Variants in TCAF1 observed in about 807,000 individuals in gnomAD.
TCAF1 encodes TRPM8 channel-associated factor 1.
A neutral mutation model predicts 27.3 loss-of-function variants in TCAF1; 4 were observed. That is an observed-to-expected ratio of 0.15 (90% CI 0.07 to 0.34). The LOEUF (loss-of-function observed/expected upper bound fraction) is 0.34. Ranked by LOEUF, TCAF1 falls within the 10% of genes least tolerant of loss-of-function variation. TCAF1 has a pLI of 1.00. For synonymous variants in TCAF1, 105 were observed against 167.1 expected, an observed-to-expected ratio of 0.63 and a Z score of 2.87; for missense variants, 257 against 425.8, an observed-to-expected ratio of 0.60 and a Z score of 3.49.
At chr7:143,888,180 A>G (rs1813502294) in intron 1 of TCAF1, among the ~76,000 whole-genome samples, 2 of 152,228 alleles carry the variant, frequency 1.3e-5, no homozygotes, top group African/African-American at 4.8e-5. Flanking sequence ...TGATGCAAAC[A>G]ACATATATAC....
chr7:143,877,785 C>A (rs1196594979), intron 1 of TCAF1, among the ~76,000 whole-genome samples: 2 of 152,214 alleles, frequency 1.3e-5, no homozygotes, highest in Non-Finnish European at 2.9e-5. Flanking sequence ...TGAGGCTGAA[C>A]CACCTCTGTC....
At chr7:143,883,395 G>A (rs935314000) in intron 1 of TCAF1, among the ~76,000 whole-genome samples, 2 of 151,536 alleles carry the variant, frequency 1.3e-5, no homozygotes, top group South Asian at 2.1e-4. Context: ...TTGCAGTTAC[G>A]TGTCTTACTT....
chr7:143,858,517 TA>T (rs1202917372), intron 7 of TCAF1, among the ~76,000 whole-genome samples: 7 of 148,778 alleles, frequency 4.7e-5, no homozygotes, highest in Admixed American at 1.3e-4. Flanking sequence ...TGAATATATG[TA>T]TAGTACTTTA....
Position 143,852,928 on chromosome 7 carries a change from T to TA in TCAF1, c.*1204dup, listed in dbSNP as rs1811393867. 1 of 146,446 alleles carries TA rather than the reference T, an allele frequency of 6.8e-6. No homozygotes were observed. The highest frequency in any genetic ancestry group is 1.5e-5 in the Non-Finnish European group (1 of 67,082). 9.1% of individuals were successfully genotyped at this position (146,446 alleles called of 1,614,324 possible). On this transcript the variant is annotated 3_prime_UTR_variant, in exon 9 of 9. Coordinates refer to ENST00000479870, the MANE Select transcript of TCAF1 (RefSeq NM_014719.3). ...CTCCTAACATTACATATTGATTGTC[T>TA]ATGTCTTTTTTCTTTCTTTATATTT...
chr7:143,892,591 G>A (rs763908627), intron 1 of TCAF1, among the ~76,000 whole-genome samples: 9 of 149,876 alleles, frequency 6.0e-5, no homozygotes, highest in Non-Finnish European at 8.9e-5. Context: ...GCAGTGGTGC[G>A]ATCTTGGCTC....
At chr7:143,889,198 C>T (rs1030939575) in intron 1 of TCAF1, among the ~76,000 whole-genome samples, 2 of 152,112 alleles carry the variant, frequency 1.3e-5, no homozygotes, top group African/African-American at 4.8e-5. Context: ...ACCTAAGACA[C>T]ATCTGATCTG....
rs1188890960 is a variant in TCAF1 at position 143,883,498 on chromosome 7, TTC to T, written c.-14-6878_-14-6877del. Among the ~76,000 whole-genome samples, 149 of 116,750 alleles carry T rather than the reference TTC, an allele frequency of 1.3e-3. 2 individuals are homozygous for T. Among genetic ancestry groups the T allele is most frequent in the African/African-American group, 5.3e-3 (130 of 24,312 alleles). 76.6% of individuals were successfully genotyped at this position (116,750 alleles called of 152,430 possible). A position where few individuals can be genotyped will look rare whatever the true frequency, so the allele number is the denominator to read the frequency against. ...CAAATCGCATTTCTTTCTTTCCTTT[TTC>T]TTTTTTTTTTTTTTTTTTTTTTTGA... is the stretch of plus-strand genomic sequence containing the variant. On this transcript the variant is annotated intron_variant, in intron 1 of 8. Transcript: ENST00000479870.
intron 6 of TCAF1, among the ~76,000 whole-genome samples, chr7:143,859,980 AT>A (rs1811869350): frequency 2.5e-4 from 7 of 28,232 alleles, no homozygotes; most frequent in Admixed American, 9.1e-4. Context: ...TATAATATAT[AT>A]TATATAATAT....
Position 143,876,400 on chromosome 7 carries a change from T to A in TCAF1, c.209A>T (p.Glu70Val), listed in dbSNP as rs773359476. The A allele has an allele frequency of 8.1e-6, 13 of 1,613,762 alleles. No homozygotes were observed. The highest frequency in any genetic ancestry group is 2.7e-5 in the African/African-American group (2 of 74,912). The change falls in exon 2 of 9, where the codon GAA becomes GTA. Residue 70 changes from glutamate to valine, a missense_variant. Glu to Val is a moderately radical substitution (Grantham distance 121). Around this residue, in one of 2 missense-constraint regions of TCAF1, gnomAD observed 255 missense variants for 260.1 expected, o/e 0.98. Coordinates refer to ENST00000479870, the MANE Select transcript of TCAF1 (RefSeq NM_014719.3). ...VVVSHEDYLV[E>V]AQLTPFLLNA... ...CAGGAGAAAGGGCGTGAGCTGGGCT[T>A]CCACCAAGTAGTCCTCATGGGACAC...
intron 1 of TCAF1, among the ~76,000 whole-genome samples, chr7:143,880,330 G>A (rs1430308539): frequency 6.6e-6 from 1 of 152,160 alleles, no homozygotes; most frequent in African/African-American, 2.4e-5. Flanking sequence ...GCTAAGTGGT[G>A]GTGGATCTAG....
intron 1 of TCAF1, among the ~76,000 whole-genome samples, chr7:143,883,500 CTTTTTTTTTTT>C (rs374825743): frequency 7.4e-4 from 73 of 98,078 alleles, no homozygotes; most frequent in African/African-American, 2.8e-3. Context: ...TTTCCTTTTT[CTTTTTTTTTTT>C]TTTTTTTTTT....
chr7:143,879,973 G>A (rs1182942324), intron 1 of TCAF1, among the ~76,000 whole-genome samples: 7 of 152,116 alleles, frequency 4.6e-5, no homozygotes, highest in Non-Finnish European at 1.0e-4. Context: ...CTAGTTCAAG[G>A]ATGAGTTGAA....
At chr7:143,892,046 T>C (rs573118271) in intron 1 of TCAF1, among the ~76,000 whole-genome samples, 59 of 152,298 alleles carry the variant, frequency 3.9e-4, no homozygotes, top group Middle Eastern at 3.4e-3. Flanking sequence ...GGCAATGTAA[T>C]TTTAGATACA....
At chr7:143,897,535 C>T (rs577291284) in intron 1 of TCAF1, among the ~76,000 whole-genome samples, 1 of 151,916 alleles carries the variant, frequency 6.6e-6, no homozygotes, top group Non-Finnish European at 1.5e-5. Flanking sequence ...ATGTTATATA[C>T]AAATTTTCAA....
At chr7:143,860,008 ATATAATATATAT>A (rs1811905016) in intron 6 of TCAF1, among the ~76,000 whole-genome samples, 188 bp downstream of exon 6, 1 of 36,242 alleles carries the variant, frequency 2.8e-5, no homozygotes, top group African/African-American at 7.8e-5. Context: ...TATAATATAT[ATATAATATATAT>A]TATATATTAT....
At chr7:143,884,784 A>G (rs937800993) in intron 1 of TCAF1, among the ~76,000 whole-genome samples, 1 of 152,118 alleles carries the variant, frequency 6.6e-6, no homozygotes, top group Non-Finnish European at 1.5e-5. Flanking sequence ...GCTGAAGCAA[A>G]GGTGATAAAA....
intron 1 of TCAF1, among the ~76,000 whole-genome samples, chr7:143,894,637 CTAGAGG>C (rs1418144556): frequency 6.6e-6 from 1 of 151,476 alleles, no homozygotes; most frequent in African/African-American, 2.4e-5. Flanking sequence ...TTTTTGTGAC[CTAGAGG>C]TAGGCAAAAT....
intron 1 of TCAF1, among the ~76,000 whole-genome samples, chr7:143,878,915 C>G (rs1173368591): frequency 6.6e-6 from 1 of 152,152 alleles, no homozygotes; most frequent in African/African-American, 2.4e-5. Context: ...TTACCAAGAC[C>G]TCTTCCCACC....
intron 7 of TCAF1, 39 bp from the exon 8 acceptor site, chr7:143,857,389 T>TA (rs1314381831): frequency 2.9e-6 from 2 of 686,704 alleles, no homozygotes; most frequent in African/African-American, 1.8e-5. Flanking sequence ...GATTTGGAAA[T>TA]AAAAAAGGGT....
Sources: allele counts gnomAD v4.1 joint callset (sites outside exome capture counted in the v4.1 genomes callset), GRCh38; gene constraint gnomAD v4.1.1; regional missense constraint gnomAD v4.1.1; transcripts MANE v1.5; gene names NCBI Gene and HGNC (gene_info 2026-07-23, HGNC 2026-07-21).